ALPL: variants seen among roughly 807,000 people sequenced by gnomAD.
ALPL encodes alkaline phosphatase, biomineralization associated.
ALPL carries 42 observed loss-of-function variants against 51.3 expected under a neutral mutation model. The ratio of observed to expected loss-of-function variants is 0.82; its 90% CI spans 0.64 to 1.06. The LOEUF (loss-of-function observed/expected upper bound fraction) is 1.06. Ranked by LOEUF, ALPL falls within the 50% of genes least tolerant of loss-of-function variation. The probability of loss-of-function intolerance (pLI) is 0.00; values close to 1 mark genes in which losing one functional copy is unlikely to be tolerated. For synonymous variants in ALPL, 279 were observed against 296.4 expected (o/e 0.94, Z 0.60); for missense variants, 589 against 709.4 (o/e 0.83, Z 1.93).
intron 1 of ALPL, among the ~76,000 whole-genome samples, chr1:21,526,732 A>G (rs543542953): frequency 2.6e-5 from 4 of 152,314 alleles, no homozygotes; most frequent in East Asian, 1.9e-4. Flanking sequence ...AAATGTTTGC[A>G]TGTTCCTGAA....
At chr1:21,562,966 C>T in intron 4 of ALPL, 144 bp from the exon 5 acceptor site, 1 of 1,100,122 alleles carries the variant, frequency 9.1e-7, no homozygotes. Flanking sequence ...CTCTGGGGGG[C>T]TTCAGTGGGC....
At chr1:21,511,661 A>C (rs941547400) in intron 1 of ALPL, among the ~76,000 whole-genome samples, 11 of 152,114 alleles carry the variant, frequency 7.2e-5, no homozygotes, top group Non-Finnish European at 1.3e-4. Context: ...CGCCATCCTA[A>C]ACACAGCCTG....
chr1:21,542,596 C>G (rs1223184874), intron 1 of ALPL, among the ~76,000 whole-genome samples: 2 of 152,178 alleles, frequency 1.3e-5, no homozygotes, highest in Non-Finnish European at 2.9e-5. Context: ...AATCCCGGTG[C>G]TTTGGGAGGC....
chr1:21,573,435 T>C, intron 8 of ALPL, among the ~76,000 whole-genome samples: 1 of 92,660 alleles, frequency 1.1e-5, no homozygotes, highest in East Asian at 3.0e-4. Flanking sequence ...AGACTCTGTC[T>C]CAAAAAAAAA....
At chr1:21,557,318 G>T (rs553602694) in intron 2 of ALPL, among the ~76,000 whole-genome samples, 1 of 152,192 alleles carries the variant, frequency 6.6e-6, no homozygotes, top group Non-Finnish European at 1.5e-5. Context: ...CTCAGTGAAT[G>T]TTGGTCTCTT....
At chr1:21,545,698 T>A (rs1644245924) in intron 1 of ALPL, among the ~76,000 whole-genome samples, 1 of 152,236 alleles carries the variant, frequency 6.6e-6, no homozygotes, top group African/African-American at 2.4e-5. Context: ...TTTCCTTTTC[T>A]GTTCATAAAT....
At chr1:21,535,815 G>T (rs114044129) in intron 1 of ALPL, among the ~76,000 whole-genome samples, 1,831 of 152,274 alleles carry the variant, frequency 0.012, 15 homozygotes, top group South Asian at 0.018. Flanking sequence ...CAATGACTAG[G>T]AGAAAAAGCA....
At chr1:21,558,015 T>A (rs1697416) in intron 2 of ALPL, among the ~76,000 whole-genome samples, 1 of 152,214 alleles carries the variant, frequency 6.6e-6, no homozygotes, top group African/African-American at 2.4e-5. Context: ...GCCCTTTCCC[T>A]GGCATTCTAT....
At chr1:21,568,424 C>T (rs1023860610) in intron 7 of ALPL, among the ~76,000 whole-genome samples, 177 bp downstream of exon 7, 1 of 152,136 alleles carries the variant, frequency 6.6e-6, no homozygotes, top group Non-Finnish European at 1.5e-5. Context: ...CTAATCATTT[C>T]CTTCCCTTGG....
intron 1 of ALPL, among the ~76,000 whole-genome samples, chr1:21,527,791 C>G (rs1329138314): frequency 6.6e-6 from 1 of 151,866 alleles, no homozygotes; most frequent in Non-Finnish European, 1.5e-5. Context: ...CTGAAGTGAT[C>G]CGTCCACCTC....
At chr1:21,524,192 C>T (rs1322589664) in intron 1 of ALPL, among the ~76,000 whole-genome samples, 5 of 151,866 alleles carry the variant, frequency 3.3e-5, no homozygotes, top group Non-Finnish European at 5.9e-5. Flanking sequence ...TTAGTAGAGA[C>T]GGGGTTTCAC....
At position 21,568,219 on chromosome 1, in the gene ALPL, C is replaced by A; in HGVS notation, c.764C>A (p.Thr255Asn). Residue 255 changes from threonine to asparagine, a missense_variant, in exon 7 of 12, where the codon ACC becomes AAC. Physicochemically the swap from Thr to Asn is moderately conservative, Grantham distance 65 (BLOSUM62 0). Coordinates refer to ENST00000374840, the MANE Select transcript of ALPL (RefSeq NM_000478.6). Reference sequence around the variant, plus strand: ...CTGGACGGCCTGGACCTCGTTGACACCTGGAAGAGCTTCAAACCGAGATAC... The same window carrying A: ...CTGGACGGCCTGGACCTCGTTGACAACTGGAAGAGCTTCAAACCGAGATAC... Reference protein sequence around the residue: ...TRLDGLDLVDTWKSFKPRYKH... With the variant: ...TRLDGLDLVDNWKSFKPRYKH... 6.2e-7 allele frequency: 1 copy of A among 1,613,996 alleles called. No homozygotes were observed. The highest frequency in any genetic ancestry group is 1.1e-5 in the South Asian group (1 of 91,072).
intron 1 of ALPL, among the ~76,000 whole-genome samples, chr1:21,530,068 TC>T (rs1291903919): frequency 6.6e-6 from 1 of 152,082 alleles, no homozygotes; most frequent in Non-Finnish European, 1.5e-5. Flanking sequence ...AGCCACCGCA[TC>T]TGGTCCTGTT....
intron 6 of ALPL, among the ~76,000 whole-genome samples, chr1:21,567,574 C>T (rs1644583797): frequency 6.6e-6 from 1 of 152,210 alleles, no homozygotes; most frequent in South Asian, 2.1e-4. Flanking sequence ...GGAGTCCCTG[C>T]CCTTAGCTGC....
chr1:21,575,614 G>A, intron 9 of ALPL, 119 bp from the exon 10 acceptor site: 1 of 1,253,500 alleles, frequency 8.0e-7, no homozygotes, highest in Non-Finnish European at 1.2e-6. Flanking sequence ...GTGGTGCCCG[G>A]CGAAGGTTCC....
At chr1:21,528,095 A>C (rs1209076391) in intron 1 of ALPL, among the ~76,000 whole-genome samples, 1 of 151,068 alleles carries the variant, frequency 6.6e-6, no homozygotes, top group East Asian at 1.9e-4. Flanking sequence ...ATCACTGCTC[A>C]TACAGCCTCA....
intron 1 of ALPL, among the ~76,000 whole-genome samples, chr1:21,527,615 T>A (rs1643966118): frequency 6.6e-6 from 1 of 151,410 alleles, no homozygotes; most frequent in South Asian, 2.1e-4. Context: ...GGTGGTGTGA[T>A]CTTGGCTCAC....
chr1:21,554,125 C>G lies in ALPL; in HGVS notation c.44C>G (p.Thr15Ser), dbSNP rs150849772. The change falls in exon 2 of 12, where the codon ACT (threonine) becomes AGT (serine). Residue 15 changes from threonine to serine, a missense_variant. Physicochemically the swap from Thr to Ser is moderately conservative, Grantham distance 58. Transcript: ENST00000374840. Reference protein sequence around the residue: ...FLVLAIGTCLTNSLVPEKEKD... With the variant: ...FLVLAIGTCLSNSLVPEKEKD... ...GTACTGGCCATTGGCACCTGCCTTA[C>G]TAACTCCTTAGTGCCAGGTATGCTT... The G allele has an allele frequency of 2.2e-4, 354 of 1,590,560 alleles. 4 individuals are homozygous for G. The South Asian group carries it at 3.6e-3, about 16-fold the overall frequency.
chr1:21,556,082 G>GT (rs1454200773), intron 2 of ALPL, among the ~76,000 whole-genome samples: 1 of 151,910 alleles, frequency 6.6e-6, no homozygotes, highest in African/African-American at 2.4e-5. Flanking sequence ...CGAGTTTTTT[G>GT]TTTTTCTGTT....
Sources: allele counts gnomAD v4.1 joint callset (sites outside exome capture counted in the v4.1 genomes callset), GRCh38; gene constraint gnomAD v4.1.1; transcripts MANE v1.5; gene names NCBI Gene and HGNC (gene_info 2026-07-23, HGNC 2026-07-21).